SELENON: variants seen among roughly 807,000 people sequenced by gnomAD.
SELENON encodes selenoprotein N, 1.
SELENON carries 44 observed loss-of-function variants against 59.5 expected under a neutral mutation model. The ratio of observed to expected loss-of-function variants is 0.74; its 90% confidence interval spans 0.58 to 0.95. SELENON has a LOEUF of 0.95. SELENON is among the 40% of genes least tolerant of loss of function. The probability of loss-of-function intolerance (pLI) is 0.00; values close to 1 mark genes in which losing one functional copy is unlikely to be tolerated. For missense variants in SELENON, 674 were observed against 721.4 expected, an observed-to-expected ratio of 0.93 and a Z score of 0.75; for synonymous variants, 320 against 305.6, an observed-to-expected ratio of 1.05 and a Z score of -0.49.
At chr1:25,812,861 T>G (rs771118631) in intron 10 of SELENON, 69 bp downstream of exon 9, 394 of 1,183,866 alleles carry the variant, frequency 3.3e-4, no homozygotes, top group Non-Finnish European at 4.3e-4. Flanking sequence ...CCAGAGGCTC[T>G]GAGACCAATG....
At chr1:25,812,578 C>CAT in intron 9 of SELENON, 109 bp from the exon 9 acceptor site, 1 of 691,772 alleles carries the variant, frequency 1.4e-6, no homozygotes, top group Non-Finnish European at 2.5e-6. Context: ...CACACACACA[C>CAT]ACACACACAC....
chr1:25,808,859 G>A (rs914118981), intron 5 of SELENON, 70 bp downstream of exon 4: 55 of 1,589,522 alleles, frequency 3.5e-5, no homozygotes, highest in East Asian at 3.4e-4. Context: ...CTCTGTCTGC[G>A]CCTGGACCCC....
In SELENON at chr1:25,804,019, T is replaced by C. The variant is rs7523587; in HGVS notation, c.404-1123T>C. Among the ~76,000 whole-genome samples the C allele has an allele frequency of 5.0e-3, 768 of 152,304 alleles. 8 individuals carry two copies. The highest frequency in any genetic ancestry group is 0.018 in the African/African-American group (737 of 41,562). On this transcript the variant is annotated intron_variant, in intron 3 of 12. Transcript: ENST00000361547. ...TGGGAATCATTATTATTAATATTTA[T>C]CTGTGATATCAGTAAAATAATTGAA...
chr1:25,804,991 G>A (rs962462070), intron 3 of SELENON, 151 bp from the exon 3 acceptor site: 8 of 917,610 alleles, frequency 8.7e-6, no homozygotes, highest in African/African-American at 8.1e-5. Context: ...ACTAAAATGC[G>A]ATACACTGGT....
rs969147116 is a variant in SELENON, at chr1:25,807,117, G to C, written c.538-1463G>C. On this transcript the variant is annotated intron_variant, in intron 4 of 12. Transcript: ENST00000361547. This position sits in a 1 kb window ranked among gnomAD's most constrained non-coding sequence, Gnocchi z 4.5. ...CGTACAGGGATTATAGGGATTACAG[G>C]TGTGAGCCACCATGCCCGGCCGGGA... 1.3e-5 allele frequency among the ~76,000 whole-genome samples: 2 copies of C among 151,752 alleles called. No individual in the cohort carries two copies. The highest frequency in any genetic ancestry group is 2.9e-5 in the Non-Finnish European group (2 of 67,930).
chr1:25,801,736 G>A (rs942706510), intron 2 of SELENON, among the ~76,000 whole-genome samples: 1 of 152,136 alleles, frequency 6.6e-6, no homozygotes, highest in East Asian at 1.9e-4. Context: ...AGGTATTTAA[G>A]TATTTCATGT....
intron 3 of SELENON, among the ~76,000 whole-genome samples, chr1:25,803,939 G>C (rs1168850866): frequency 6.6e-6 from 1 of 152,074 alleles, no homozygotes; most frequent in East Asian, 1.9e-4. Flanking sequence ...CTAACCTCAG[G>C]TGATCCGCCT....
intron 9 of SELENON, 117 bp from the exon 9 acceptor site, chr1:25,812,570 C>CAA: frequency 5.9e-6 from 2 of 336,464 alleles, no homozygotes; most frequent in Non-Finnish European, 1.0e-5. Flanking sequence ...CACAAACACA[C>CAA]ACACACACAC....
intron 9 of SELENON, 111 bp from the exon 9 acceptor site, chr1:25,812,576 C>CACAT (rs969005152): frequency 3.2e-6 from 2 of 616,336 alleles, no homozygotes; most frequent in African/African-American, 2.4e-5. Context: ...CACACACACA[C>CACAT]ACACACACAC....
chr1:25,815,483 G>C lies in SELENON; in HGVS notation c.1603-65G>C, dbSNP rs58399004. On this transcript the variant is annotated intron_variant, in intron 12 of 12. Coordinates refer to ENST00000361547, the MANE Select transcript of SELENON (RefSeq NM_020451.3). ...AGCATCCCTGCTTCTCCCCATAGAA[G>C]AGAGGGCACAGGGAGCCTGGGGGCC... 8,374 of 1,372,514 alleles carry C rather than the reference G, an allele frequency of 6.1e-3. 294 individuals are homozygous for C. In the African/African-American group the frequency reaches 0.084, roughly 14 times the overall value. 85.0% of individuals were successfully genotyped at this position (1,372,514 alleles called of 1,614,324 possible).
At chr1:25,813,367 C>T (rs1390472877) in intron 10 of SELENON, among the ~76,000 whole-genome samples, 1 of 152,198 alleles carries the variant, frequency 6.6e-6, no homozygotes, top group Non-Finnish European at 1.5e-5. Context: ...CAGAAGGGGT[C>T]CCTGCCCTCA....
chr1:25,811,189 G>T (rs1390503074), intron 7 of SELENON, among the ~76,000 whole-genome samples: 2 of 152,246 alleles, frequency 1.3e-5, no homozygotes, highest in Non-Finnish European at 2.9e-5. Context: ...ACGGGCCATG[G>T]CTGTGCAGGC....
In SELENON at chr1:25,811,912, G is replaced by C. The variant is rs567889182; in HGVS notation, c.1281+33G>C. 119 of 1,546,354 alleles carry C rather than the reference G, an allele frequency of 7.7e-5. 1 individual carries two copies. In the South Asian group the frequency reaches 1.3e-3, roughly 17 times the overall value. ...TGGGCAGGGGTGAAGGCCAGGGTCA[G>C]GCTGCATGGGCAGAGGCTGGGAGCT... On this transcript the variant is annotated intron_variant, in intron 9 of 12. Coordinates refer to ENST00000361547, the MANE Select transcript of SELENON (RefSeq NM_020451.3).
chr1:25,812,925 G>C, intron 10 of SELENON, 133 bp downstream of exon 9: 1 of 679,692 alleles, frequency 1.5e-6, no homozygotes, highest in East Asian at 2.7e-5. Flanking sequence ...GTAGGGGCGT[G>C]GGGTGAGGGC....
At chr1:25,808,822 T>C (rs1398596575) in intron 5 of SELENON, 33 bp downstream of exon 4, 4 of 1,611,858 alleles carry the variant, frequency 2.5e-6, no homozygotes, top group Non-Finnish European at 3.4e-6. Flanking sequence ...GTGGGGCCCC[T>C]CCGCCCGAGC....
chr1:25,814,199 C>T, intron 12 of SELENON, 21 bp downstream of exon 11: 1 of 1,603,054 alleles, frequency 6.2e-7, no homozygotes, highest in South Asian at 1.1e-5. Flanking sequence ...CCACTCAGAC[C>T]CCACAGGGCC....
rs59333545 is a variant in SELENON, at chr1:25,812,564, AACACACAC to A, written c.1282-88_1282-81del. On this transcript the variant is annotated intron_variant, in intron 9 of 12. Coordinates refer to ENST00000361547, the MANE Select transcript of SELENON (RefSeq NM_020451.3). Reference sequence around the variant, plus strand: ...ACACAAATATATATGCCTACACACAAACACACACACACACACACACACACACACACACA... The same window carrying A: ...ACACAAATATATATGCCTACACACAAACACACACACACACACACACACACA... 0.21 allele frequency: 121,759 copies of A among 572,528 alleles called. 3,855 individuals carry two copies. The highest frequency in any genetic ancestry group is 0.26 in the Middle Eastern group (560 of 2,134). 35.5% of individuals were successfully genotyped at this position (572,528 alleles called of 1,614,324 possible).
At chr1:25,804,976 C>G (rs1395447952) in intron 3 of SELENON, among the ~76,000 whole-genome samples, 166 bp from the exon 3 acceptor site, 2 of 152,136 alleles carry the variant, frequency 1.3e-5, no homozygotes, top group African/African-American at 4.8e-5. Flanking sequence ...CTGGGCTATC[C>G]TGAAACTAAA....
At chr1:25,814,682 A>C (rs950095027) in intron 12 of SELENON, among the ~76,000 whole-genome samples, 1 of 152,200 alleles carries the variant, frequency 6.6e-6, no homozygotes, top group Non-Finnish European at 1.5e-5. Flanking sequence ...GGAGGCCCAG[A>C]AAGTTGAGAG....
Sources: allele counts gnomAD v4.1 joint callset (sites outside exome capture counted in the v4.1 genomes callset), GRCh38; gene constraint gnomAD v4.1.1; non-coding constraint Gnocchi (gnomAD v3.1); transcripts MANE v1.5; gene names NCBI Gene and HGNC (gene_info 2026-07-23, HGNC 2026-07-21).